CSPP1: variants seen among roughly 807,000 people sequenced by gnomAD.
CSPP1 encodes the protein centrosome and spindle pole-associated protein 1.
A neutral mutation model predicts 164.4 loss-of-function variants in CSPP1; 126 were observed. That is an observed-to-expected ratio of 0.77 (90% confidence interval 0.66 to 0.89). The LOEUF is 0.89. Ranked by LOEUF, CSPP1 falls within the 40% of genes least tolerant of loss-of-function variation. The probability of loss-of-function intolerance (pLI) is 0.00; values close to 1 mark genes in which losing one functional copy is unlikely to be tolerated. For synonymous variants in CSPP1, 472 were observed against 476.7 expected, an observed-to-expected ratio of 0.99 and a Z score of 0.13; for missense variants, 1,395 against 1,449.8, an observed-to-expected ratio of 0.96 and a Z score of 0.61.
At chr8:67,156,229 A>G (rs1163535168) in intron 19 of CSPP1, among the ~76,000 whole-genome samples, 1 of 151,918 alleles carries the variant, frequency 6.6e-6, no homozygotes, top group Non-Finnish European at 1.5e-5. Context: ...GTTTAATAAC[A>G]TACAACTAAT....
At chr8:67,143,756 A>T (rs2129556521) in intron 17 of CSPP1, among the ~76,000 whole-genome samples, 1 of 152,046 alleles carries the variant, frequency 6.6e-6, no homozygotes, top group East Asian at 1.9e-4. Flanking sequence ...ATACAGGTAA[A>T]TTTTTTATAT....
At chr8:67,107,469 G>A (rs533483915) in intron 9 of CSPP1, among the ~76,000 whole-genome samples, 220 of 152,310 alleles carry the variant, frequency 1.4e-3, no homozygotes, top group African/African-American at 5.0e-3. Flanking sequence ...TGAATGGCAT[G>A]AGTTTATCAC....
chr8:67,175,225 C>T (rs1293518962), intron 25 of CSPP1, 71 bp from the exon 26 acceptor site: 2 of 1,114,092 alleles, frequency 1.8e-6, no homozygotes, highest in East Asian at 2.4e-5. Context: ...ATGTTACTTA[C>T]AGTGAAGTTT....
chr8:67,162,486 A>G (rs1402774087), intron 22 of CSPP1, among the ~76,000 whole-genome samples: 1 of 152,222 alleles, frequency 6.6e-6, no homozygotes. Flanking sequence ...GCTAATTAGC[A>G]GAAGGTAAAG....
intron 21 of CSPP1, 61 bp downstream of exon 21, chr8:67,159,198 T>C (rs770265942): frequency 1.4e-5 from 20 of 1,442,076 alleles, no homozygotes; most frequent in South Asian, 4.0e-5. Flanking sequence ...ACTGTGAGAG[T>C]TGTACAGTTG....
intron 1 of CSPP1, among the ~76,000 whole-genome samples, chr8:67,066,309 G>A (rs1319542145): frequency 6.6e-6 from 1 of 152,122 alleles, no homozygotes; most frequent in Admixed American, 6.6e-5. Context: ...GATGCCATCT[G>A]CCAGGAGGAA....
intron 7 of CSPP1, among the ~76,000 whole-genome samples, chr8:67,102,707 C>T (rs1006321202): frequency 3.3e-5 from 5 of 151,834 alleles, no homozygotes; most frequent in Non-Finnish European, 5.9e-5. Context: ...GGACTGTGTC[C>T]GAATACCCAG....
intron 1 of CSPP1, among the ~76,000 whole-genome samples, chr8:67,071,309 A>G (rs1206979303): frequency 6.6e-6 from 1 of 150,834 alleles, no homozygotes; most frequent in Non-Finnish European, 1.5e-5. Context: ...TCTTTTCCTC[A>G]ACTAATTATG....
intron 30 of CSPP1, among the ~76,000 whole-genome samples, chr8:67,194,161 T>G (rs1041867066): frequency 6.6e-6 from 1 of 152,062 alleles, no homozygotes; most frequent in African/African-American, 2.4e-5. Context: ...CAAGCTACCC[T>G]GCCAGCCCTA....
At chr8:67,074,210 T>G (rs1174807884) in intron 1 of CSPP1, 33 bp from the exon 2 acceptor site, 1 of 1,241,316 alleles carries the variant, frequency 8.1e-7, no homozygotes. Context: ...AATACTGTGA[T>G]ATAGATACGC....
intron 1 of CSPP1, chr8:67,069,075 T>C (rs1232886988): frequency 1.3e-5 from 2 of 152,202 alleles, no homozygotes; most frequent in African/African-American, 2.4e-5. Flanking sequence ...CCAACACATA[T>C]AAGTCTTTTC....
At chr8:67,194,282 C>T (rs897181266) in intron 30 of CSPP1, among the ~76,000 whole-genome samples, 27 of 152,150 alleles carry the variant, frequency 1.8e-4, no homozygotes, top group Admixed American at 1.7e-3. Context: ...TTGGGAAATA[C>T]TCTTTAGTCT....
intron 3 of CSPP1, among the ~76,000 whole-genome samples, chr8:67,084,884 T>C (rs1810058537): frequency 6.6e-6 from 1 of 152,180 alleles, no homozygotes; most frequent in Admixed American, 6.5e-5. Context: ...CTTCTTGACA[T>C]AGTATTTTAT....
At chr8:67,069,857 G>A (rs1384998315) in intron 1 of CSPP1, among the ~76,000 whole-genome samples, 5 of 151,434 alleles carry the variant, frequency 3.3e-5, no homozygotes, top group African/African-American at 4.8e-5. Context: ...ACGGGGTTTC[G>A]CCATATTGGC....
intron 4 of CSPP1, among the ~76,000 whole-genome samples, chr8:67,089,185 C>G (rs2129544210): frequency 6.6e-6 from 1 of 152,174 alleles, no homozygotes; most frequent in South Asian, 2.1e-4. Flanking sequence ...GTTATTAAAA[C>G]AAACAACTAC....
intron 16 of CSPP1, among the ~76,000 whole-genome samples, chr8:67,132,811 T>C (rs1821497267): frequency 6.6e-6 from 1 of 152,192 alleles, no homozygotes; most frequent in Non-Finnish European, 1.5e-5. Flanking sequence ...CTTTCGTAGT[T>C]TGTAATATTT....
At chr8:67,086,703 G>GTT in intron 4 of CSPP1, 1 of 433,430 alleles carries the variant, frequency 2.3e-6, no homozygotes, top group South Asian at 1.9e-5. Context: ...ATATTCTTTA[G>GTT]TTTTTTACTG....
intron 1 of CSPP1, among the ~76,000 whole-genome samples, chr8:67,066,347 G>A (rs965486893): frequency 6.6e-6 from 1 of 152,108 alleles, no homozygotes; most frequent in Non-Finnish European, 1.5e-5. Flanking sequence ...TCGGTAGATG[G>A]ATCTCTGGAT....
At chr8:67,131,914 C>T (rs1821308803) in intron 15 of CSPP1, 37 bp from the exon 16 acceptor site, 3 of 1,535,396 alleles carry the variant, frequency 2.0e-6, no homozygotes, top group Admixed American at 2.0e-5. Context: ...GCTTTGTCGT[C>T]AATGGATTTA....
Sources: gnomAD v4.1 joint callset for allele counts (sites outside exome capture counted in the v4.1 genomes callset) on GRCh38, gnomAD v4.1.1 for gene constraint, MANE v1.5 for transcripts, NCBI Gene and HGNC (gene_info 2026-07-23, HGNC 2026-07-21) for gene names.